Variants in HEATR5A observed in about 807,000 individuals in gnomAD.
The protein encoded by HEATR5A is HEAT repeat containing 5A, also known as HEAT repeat-containing protein 5A.
A neutral mutation model predicts 218.8 loss-of-function variants in HEATR5A; 178 were observed. That is an observed-to-expected ratio of 0.81 (90% confidence interval 0.72 to 0.92). The LOEUF (loss-of-function observed/expected upper bound fraction) is 0.92, where lower values mean the gene tolerates loss of function less well. Ranked by LOEUF, HEATR5A falls within the 40% of genes least tolerant of loss-of-function variation. The probability of loss-of-function intolerance (pLI) is 0.00; values close to 1 mark genes in which losing one functional copy is unlikely to be tolerated. For synonymous variants in HEATR5A, 864 were observed against 871.6 expected (o/e 0.99, Z 0.15); for missense variants, 2,420 against 2,418.9 (o/e 1.00, Z -0.01).
At chr14:31,391,293 C>T (rs977549029) in intron 6 of HEATR5A, among the ~76,000 whole-genome samples, 3 of 152,186 alleles carry the variant, frequency 2.0e-5, no homozygotes, top group Admixed American at 1.3e-4. Context: ...CATGCCACCA[C>T]GTCCCGCTAA....
At chr14:31,297,304 CA>C (rs886828132) in intron 33 of HEATR5A, 2 of 152,240 alleles carry the variant, frequency 1.3e-5, no homozygotes, top group Non-Finnish European at 2.9e-5. Context: ...CAAAACAAAA[CA>C]AAACAAAACA....
At position 31,350,280 on chromosome 14, in the gene HEATR5A, T is replaced by C. The variant is rs1901174869; in HGVS notation, c.2518-301A>G. On this transcript the variant is annotated intron_variant, in intron 17 of 35. Coordinates refer to ENST00000543095, the MANE Select transcript of HEATR5A (RefSeq NM_015473.4). The stretch of plus-strand genomic sequence containing the variant: ...AAAATAAGCGACTAATGAAGTCTAT[T>C]ATATTTTACTGTACATAGAAACGGT... Among the ~76,000 whole-genome samples the C allele has an allele frequency of 4.6e-5, 7 of 152,312 alleles. No individual in the cohort carries two copies. In the South Asian group the frequency reaches 1.4e-3, roughly 32 times the overall value.
intron 33 of HEATR5A, among the ~76,000 whole-genome samples, chr14:31,300,854 T>A (rs1329218429): frequency 1.3e-5 from 2 of 152,206 alleles, no homozygotes; most frequent in African/African-American, 2.4e-5. Flanking sequence ...ATCCTACTTG[T>A]GACACTCTGC....
intron 4 of HEATR5A, among the ~76,000 whole-genome samples, chr14:31,395,572 G>A (rs1265140828): frequency 6.6e-6 from 1 of 152,192 alleles, no homozygotes; most frequent in Admixed American, 6.5e-5. Context: ...CAGGGTTGAT[G>A]TGAAGATTAA....
At chr14:31,349,753 C>G in intron 18 of HEATR5A, 36 bp downstream of exon 18, 1 of 1,451,422 alleles carries the variant, frequency 6.9e-7, no homozygotes, top group Non-Finnish European at 9.6e-7. Context: ...AGTTTTGAAA[C>G]ATAGCCTCTG....
chr14:31,336,237 TATATATATA>T (rs1900660661), intron 22 of HEATR5A, among the ~76,000 whole-genome samples: 1 of 99,518 alleles, frequency 1.0e-5, no homozygotes, highest in Non-Finnish European at 1.9e-5. Context: ...TATATATATA[TATATATATA>T]TATATATATA....
At chr14:31,409,953 AT>A (rs1469949125) in intron 1 of HEATR5A, among the ~76,000 whole-genome samples, 1 of 152,202 alleles carries the variant, frequency 6.6e-6, no homozygotes. Context: ...CTTCTTGGTC[AT>A]TTTAGTTCCT....
Position 31,400,490 on chromosome 14 carries a change from TTC to T in HEATR5A, c.147_148del (p.Lys50AspfsTer4), listed in dbSNP as rs2030830310. 7 of 1,535,124 alleles carry T rather than the reference TTC, an allele frequency of 4.6e-6. No individual in the cohort carries two copies. The highest frequency in any genetic ancestry group is 6.1e-6 in the Non-Finnish European group (7 of 1,146,284). ...AGACAGGAGCTGTTCAACAAGAGTC[TTC>T]TGTTTCTCCCTTACATCATTCTAGA... On this transcript the variant is annotated frameshift_variant, in exon 3 of 36. Coordinates refer to ENST00000543095, the MANE Select transcript of HEATR5A (RefSeq NM_015473.4). LOFTEE classifies it high-confidence loss of function.
At chr14:31,344,393 T>G (rs1464724362) in intron 20 of HEATR5A, among the ~76,000 whole-genome samples, 1 of 148,348 alleles carries the variant, frequency 6.7e-6, no homozygotes, top group South Asian at 2.2e-4. Flanking sequence ...TTCTCCTGCC[T>G]CCGGTCTCCC....
At chr14:31,297,200 C>G (rs891710534) in intron 33 of HEATR5A, 1 of 152,398 alleles carries the variant, frequency 6.6e-6, no homozygotes, top group East Asian at 1.9e-4. Context: ...GCAGGAGAAT[C>G]ACTTGACATC....
At chr14:31,396,934 T>A (rs1382234443) in intron 4 of HEATR5A, among the ~76,000 whole-genome samples, 1 of 152,190 alleles carries the variant, frequency 6.6e-6, no homozygotes, top group Non-Finnish European at 1.5e-5. Flanking sequence ...ACCAGTGGAA[T>A]TAGGAGGAAG....
Position 31,313,082 on chromosome 14 carries a change from G to A in HEATR5A, c.4327C>T (p.Leu1443Phe). The A allele has an allele frequency of 1.2e-6, 2 of 1,613,698 alleles. No homozygotes were observed. The highest frequency in any genetic ancestry group is 1.7e-6 in the Non-Finnish European group (2 of 1,179,600). The change falls in exon 28 of 36, where the codon CTT becomes TTT. Residue 1443 changes from leucine to phenylalanine, a missense_variant. Physicochemically the swap from Leu to Phe is conservative, Grantham distance 22 (BLOSUM62 0). Coordinates refer to ENST00000543095, the MANE Select transcript of HEATR5A (RefSeq NM_015473.4). Reference protein sequence around the residue: ...RNGSCSSDGLLDLVYADLGTL... With the variant: ...RNGSCSSDGLFDLVYADLGTL... ...CCAAGATCTGCATAGACTAAGTCAAGCAGTCCATCTGATGAACATGATCCA... is the reference window on the plus strand; with the variant it reads ...CCAAGATCTGCATAGACTAAGTCAAACAGTCCATCTGATGAACATGATCCA...
At chr14:31,352,866 G>A (rs1252280699) in intron 16 of HEATR5A, among the ~76,000 whole-genome samples, 1 of 152,034 alleles carries the variant, frequency 6.6e-6, no homozygotes, top group African/African-American at 2.4e-5. Flanking sequence ...GCTGAGGTAG[G>A]AGAACTGCTT....
rs1271755630 is a variant in HEATR5A, at chr14:31,337,623, T to C, written c.3229-9A>G. The C allele has an allele frequency of 1.9e-6, 3 of 1,596,988 alleles. No individual in the cohort carries two copies. Among genetic ancestry groups the C allele is most frequent in the Non-Finnish European group, 2.6e-6 (3 of 1,171,078 alleles). On this transcript the variant is annotated splice_polypyrimidine_tract_variant and intron_variant, in intron 21 of 35. Coordinates refer to ENST00000543095, the MANE Select transcript of HEATR5A (RefSeq NM_015473.4). ...GGGCTACAAAGATTCACCTGAAAAA[T>C]ACCATTTGAGGAACGACAGAGCTAA...
At position 31,344,033 on chromosome 14, in the gene HEATR5A, A is replaced by G; in HGVS notation, c.3091T>C (p.Ser1031Pro). ...ATTACTGCACAACCCAGTAGACAGG[A>G]AGTCCTTAAGGTAGAAATTGAAGTA... ...NSTSISTLRT[S>P]CLLGCAVMQD... Residue 1031 changes from serine (S) to proline (P), a missense_variant, in exon 21 of 36, where the codon TCC (serine) becomes CCC (proline). By Grantham distance (74) the Ser-to-Pro change is moderately conservative (BLOSUM62 -1). Transcript: ENST00000543095. 4 of 1,571,484 alleles carry G rather than the reference A, an allele frequency of 2.5e-6. No homozygotes were observed. The South Asian group carries it at 4.8e-5, about 19-fold the overall frequency.
At chr14:31,353,058 T>C (rs1443507895) in intron 16 of HEATR5A, among the ~76,000 whole-genome samples, 8 of 152,204 alleles carry the variant, frequency 5.3e-5, no homozygotes, top group Non-Finnish European at 7.4e-5. Context: ...TCAAGGTTAA[T>C]TGTATTTATC....
At chr14:31,294,844 C>T (rs1899127390) in intron 34 of HEATR5A, among the ~76,000 whole-genome samples, 2 of 152,002 alleles carry the variant, frequency 1.3e-5, no homozygotes, top group Non-Finnish European at 2.9e-5. Context: ...ATTTGATGTT[C>T]AAATGTCATG....
rs4981836 is a variant in HEATR5A at position 31,292,814 on chromosome 14, T to C, written c.*491A>G. Reference sequence around the variant, plus strand: ...GTCAGGCTGGTCTCAAACTCCCGACTTCGTGATCCGCCCGCCTTGGCCTTC... The same window carrying C: ...GTCAGGCTGGTCTCAAACTCCCGACCTCGTGATCCGCCCGCCTTGGCCTTC... On this transcript the variant is annotated 3_prime_UTR_variant, in exon 36 of 36. Coordinates refer to ENST00000543095, the MANE Select transcript of HEATR5A (RefSeq NM_015473.4). 0.99 allele frequency: 151,338 copies of C among 152,720 alleles called. 74,995 individuals are homozygous for C. Among genetic ancestry groups the C allele is most frequent in the Non-Finnish European group, 1 (68,391 of 68,394 alleles). 9.5% of individuals were successfully genotyped at this position (152,720 alleles called of 1,614,324 possible).
chr14:31,340,588 T>C, intron 21 of HEATR5A: 1 of 597,926 alleles, frequency 1.7e-6, no homozygotes, highest in Non-Finnish European at 2.6e-6. Flanking sequence ...TAGTTATTAT[T>C]TAAATTGGCT....
Sources: gnomAD v4.1 joint callset for allele counts (sites outside exome capture counted in the v4.1 genomes callset) on GRCh38, gnomAD v4.1.1 for gene constraint, MANE v1.5 for transcripts, NCBI Gene and HGNC (gene_info 2026-07-23, HGNC 2026-07-21) for gene names.